SPRY3: variants seen among roughly 807,000 people sequenced by gnomAD.
The protein encoded by SPRY3 is sprouty RTK signaling antagonist 3.
A neutral mutation model predicts 20.2 loss-of-function variants in SPRY3; 15 were observed. The ratio of observed to expected loss-of-function variants is 0.74; its 90% confidence interval spans 0.50 to 1.14. The LOEUF (loss-of-function observed/expected upper bound fraction) is 1.14, where lower values mean the gene tolerates loss of function less well. SPRY3 is among the 50% of genes most tolerant of loss of function. The pLI is 0.00. For missense variants in SPRY3, 364 were observed against 363.9 expected (o/e 1.00, Z 0.00); for synonymous variants, 143 against 136.5 (o/e 1.05, Z -0.33).
At chrX:155,693,907 A>G (rs2068110884) in intron 2 of SPRY3, among the ~76,000 whole-genome samples, 1 of 111,985 alleles carries the variant, frequency 8.9e-6, no homozygotes, top group Non-Finnish European at 1.9e-5. Context: ...GGCTCAAGTG[A>G]TCCTCTGGCC....
At chrX:155,751,924 G>GAAATA (rs530878002) in intron 2 of SPRY3, among the ~76,000 whole-genome samples, 19,137 of 121,228 alleles carry the variant, frequency 0.16, 1,759 homozygotes, top group Middle Eastern at 0.27. Flanking sequence ...CAAGGGAAGG[G>GAAATA]AAATAAAATA....
chrX:155,763,607 C>G (rs998593793), intron 2 of SPRY3, among the ~76,000 whole-genome samples: 5 of 152,150 alleles, frequency 3.3e-5, no homozygotes, highest in South Asian at 2.1e-4. Flanking sequence ...TTCCAATCCT[C>G]TCTTCAATAT....
chrX:155,628,496 A>T (rs782203121), intron 1 of SPRY3, among the ~76,000 whole-genome samples: 7 of 112,307 alleles, frequency 6.2e-5, no homozygotes, highest in Non-Finnish European at 1.1e-4. Flanking sequence ...AGAAAAAAAT[A>T]AAAAAGTGGT....
chrX:155,771,269 AT>A (rs2091379544), intron 3 of SPRY3, among the ~76,000 whole-genome samples: 1 of 151,968 alleles, frequency 6.6e-6, no homozygotes, highest in African/African-American at 2.4e-5. Flanking sequence ...AATTCTCATT[AT>A]TGTTTCTGAG....
intron 2 of SPRY3, among the ~76,000 whole-genome samples, chrX:155,687,276 A>G (rs1448823321): frequency 1.8e-5 from 2 of 112,722 alleles, no homozygotes; most frequent in African/African-American, 6.4e-5. Flanking sequence ...TGATCAGGCA[A>G]TGTGCCAAGC....
intron 2 of SPRY3, among the ~76,000 whole-genome samples, chrX:155,666,648 C>A: frequency 9.0e-6 from 1 of 111,406 alleles, no homozygotes; most frequent in Middle Eastern, 4.6e-3. Flanking sequence ...ACAATGGTAA[C>A]AACGGAGGTA....
intron 1 of SPRY3, among the ~76,000 whole-genome samples, chrX:155,642,378 CTTAA>C (rs1255596936): frequency 9.0e-6 from 1 of 111,172 alleles, no homozygotes; most frequent in African/African-American, 3.3e-5. Context: ...CTCTTTTTTT[CTTAA>C]TTAGTCTGCC....
chrX:155,692,187 T>A (rs1194360381), intron 2 of SPRY3, among the ~76,000 whole-genome samples: 2 of 110,943 alleles, frequency 1.8e-5, no homozygotes, highest in African/African-American at 6.6e-5. Context: ...TACAGCTTTA[T>A]ATTTTACATT....
chrX:155,694,593 A>G (rs760860839), intron 2 of SPRY3, among the ~76,000 whole-genome samples: 1 of 111,422 alleles, frequency 9.0e-6, no homozygotes, highest in East Asian at 2.8e-4. Context: ...TTATTATTAC[A>G]TTGTAATATA....
intron 2 of SPRY3, among the ~76,000 whole-genome samples, chrX:155,724,011 A>T (rs1342295636): frequency 2.0e-5 from 3 of 152,172 alleles, no homozygotes; most frequent in Admixed American, 1.3e-4. Context: ...ATGGCTAGCC[A>T]GTTTTCCCAA....
Position 155,763,276 on chromosome X carries a change from C to A in SPRY3, c.-281-4686C>A, listed in dbSNP as rs377602125. On this transcript the variant is annotated intron_variant, in intron 2 of 3. Coordinates refer to ENST00000675360, the Ensembl canonical transcript of SPRY3. ...CAACTCTAATATCATATATTTATTC[C>A]TTTAAACTGACCTCCCCCTTCCAAC... 3.9e-5 allele frequency among the ~76,000 whole-genome samples: 6 copies of A among 152,058 alleles called. No individual in the cohort carries two copies. In the East Asian group the frequency reaches 5.8e-4, roughly 15 times the overall value.
exon 4 of SPRY3, chrX:155,774,513 G>T: frequency 6.2e-7 from 1 of 1,613,966 alleles, no homozygotes; most frequent in Non-Finnish European, 8.5e-7. Flanking sequence ...GCTCTTGTGG[G>T]CCTAGTTCTT....
chrX:155,692,116 T>C (rs2068103579), intron 2 of SPRY3, among the ~76,000 whole-genome samples: 1 of 110,340 alleles, frequency 9.1e-6, no homozygotes, highest in African/African-American at 3.3e-5. Flanking sequence ...AGTAGAATGA[T>C]GGTTACCAGA....
At chrX:155,732,815 C>T (rs2091142634) in intron 2 of SPRY3, among the ~76,000 whole-genome samples, 1 of 152,080 alleles carries the variant, frequency 6.6e-6, no homozygotes. Flanking sequence ...ACTATTCAGC[C>T]TTATAAAATA....
intron 1 of SPRY3, among the ~76,000 whole-genome samples, chrX:155,653,124 A>G (rs1318123247): frequency 9.0e-6 from 1 of 111,542 alleles, no homozygotes; most frequent in Non-Finnish European, 1.9e-5. Flanking sequence ...CTAGATCCTT[A>G]TCTAGTTATC....
rs782545596 is a variant in SPRY3, at chrX:155,633,350, C to T, written c.-441+20703C>T. ...GGTCAGGAGATCGAGACCATCCTGG[C>T]TAACAAGGTGAAACCCCGTCTCTAC... On this transcript the variant is annotated intron_variant, in intron 1 of 3. Transcript: ENST00000675360. 4.7e-5 allele frequency among the ~76,000 whole-genome samples: 4 copies of T among 85,564 alleles called. No individual in the cohort carries two copies. The East Asian group carries it at 1.4e-3, about 31-fold the overall frequency. The allele number at this position is 85,564 out of a possible 115,157, so 74.3% of individuals were successfully genotyped here.
chrX:155,731,074 G>T (rs2091129367), intron 2 of SPRY3, among the ~76,000 whole-genome samples: 1 of 152,012 alleles, frequency 6.6e-6, no homozygotes, highest in Non-Finnish European at 1.5e-5. Flanking sequence ...TTGTAAAAAT[G>T]TCCATACTAC....
exon 4 of SPRY3, chrX:155,774,618 A>G (rs306888): frequency 0.27 from 429,037 of 1,613,426 alleles, 59,491 homozygotes; most frequent in Non-Finnish European, 0.3. Context: ...ATCTGTGCCA[A>G]CAGGGCTATG....
At chrX:155,679,019 G>A (rs753529146) in intron 2 of SPRY3, among the ~76,000 whole-genome samples, 9 of 110,481 alleles carry the variant, frequency 8.1e-5, no homozygotes, top group East Asian at 2.9e-4. Context: ...GACACAGAGC[G>A]GGGAACATCA....
Sources: gnomAD v4.1 joint callset for allele counts (sites outside exome capture counted in the v4.1 genomes callset) on GRCh38, gnomAD v4.1.1 for gene constraint, MANE v1.5 for transcripts, NCBI Gene and HGNC (gene_info 2026-07-23, HGNC 2026-07-21) for gene names.